Variants in B3GALT9 observed in about 807,000 individuals in gnomAD.
B3GALT9 encodes beta-1,3-galactosyltransferase 9, also known as UDP-GlcNAc:betaGal beta-1,3-N-acetylglucosaminyltransferase 10 (putative).
intron 2 of B3GALT9, among the ~76,000 whole-genome samples, chr9:120,796,903 A>G (rs1048455242): frequency 5.3e-5 from 8 of 151,988 alleles, no homozygotes; most frequent in Admixed American, 5.2e-4. Context: ...CTACAAATAC[A>G]AAAATTAGCT....
chr9:120,797,436 G>A (rs1303041915), intron 2 of B3GALT9, among the ~76,000 whole-genome samples: 1 of 151,836 alleles, frequency 6.6e-6, no homozygotes, highest in Non-Finnish European at 1.5e-5. Context: ...AACCCAGGAG[G>A]CAGAGGTTGC....
rs1326049991 is a variant in B3GALT9 at position 120,798,743 on chromosome 9, A to G, written c.175A>G (p.Asn59Asp). The G allele has an allele frequency of 2.5e-6, 1 of 399,022 alleles. No individual in the cohort carries two copies. Among genetic ancestry groups the G allele is most frequent in the Non-Finnish European group, 4.4e-6 (1 of 226,076 alleles). The allele number at this position is 399,022 out of a possible 1,614,324, so 24.7% of individuals were successfully genotyped here. The change falls in exon 3 of 3, where the codon AAC (asparagine) becomes GAC (aspartate). Residue 59 changes from asparagine (N) to aspartate (D), a missense_variant. Coordinates refer to ENST00000689072, the MANE Select transcript of B3GALT9 (RefSeq NM_001386823.1). ...LEIKNKARKL[N>D]IEPLRSNLSK... The stretch of plus-strand genomic sequence containing the variant: ...AATTAAGAATAAGGCAAGAAAATTG[A>G]ACATCGAACCCCTAAGAAGTAATCT...
chr9:120,799,259 A>T lies in B3GALT9; in HGVS notation c.691A>T (p.Ser231Cys). The change falls in exon 3 of 3, where the codon AGT (serine) becomes TGT (cysteine). Residue 231 changes from serine (S) to cysteine (C), a missense_variant. Physicochemically the swap from Ser to Cys is moderately radical, Grantham distance 112. Coordinates refer to ENST00000689072, the MANE Select transcript of B3GALT9 (RefSeq NM_001386823.1). ...DPQNRDFVPL[S>C]EYPEKYYPDY... ...TCAGAACAGAGACTTTGTCCCTCTT[A>T]GTGAGTACCCAGAAAAATACTACCC... is the stretch of plus-strand genomic sequence containing the variant. 2.5e-6 allele frequency: 1 copy of T among 399,362 alleles called. No individual in the cohort carries two copies. Among genetic ancestry groups the T allele is most frequent in the Non-Finnish European group, 4.4e-6 (1 of 226,144 alleles). 24.7% of individuals were successfully genotyped at this position (399,362 alleles called of 1,614,324 possible). A position where few individuals can be genotyped will look rare whatever the true frequency, so the allele number is the denominator to read the frequency against.
intron 1 of B3GALT9, among the ~76,000 whole-genome samples, chr9:120,794,661 C>G (rs990001353): frequency 2.0e-5 from 3 of 152,064 alleles, no homozygotes; most frequent in African/African-American, 7.2e-5. Flanking sequence ...AGGGGTGAAC[C>G]ACAATGCCCA....
intron 2 of B3GALT9, among the ~76,000 whole-genome samples, chr9:120,797,895 T>C (rs934852790): frequency 1.3e-5 from 2 of 152,232 alleles, no homozygotes; most frequent in African/African-American, 4.8e-5. Context: ...TAGAGTAAGC[T>C]TGGCCTAGGT....
intron 1 of B3GALT9, among the ~76,000 whole-genome samples, chr9:120,796,016 T>G (rs1170494430): frequency 2.6e-5 from 4 of 152,204 alleles, no homozygotes; most frequent in Admixed American, 6.5e-5. Context: ...TACTAGGGAT[T>G]CTGAATCCTT....
rs12115750 is a variant in B3GALT9, at chr9:120,799,578, C to A, written c.1010C>A (p.Ser337Tyr). ...AAAGAATGTACACTGTTTGAGACAT[C>A]CTATGAGCTCATTTCCTGCAAACTT... ...DGKECTLFET[S>Y]YELISCKLLT... The change falls in exon 3 of 3, where the codon TCC becomes TAC. Residue 337 changes from serine to tyrosine, a missense_variant. Physicochemically the swap from Ser to Tyr is moderately radical, Grantham distance 144. Coordinates refer to ENST00000689072, the MANE Select transcript of B3GALT9 (RefSeq NM_001386823.1). 52,740 of 399,536 alleles carry A rather than the reference C, an allele frequency of 0.13. 3,796 individuals are homozygous for A. The highest frequency in any genetic ancestry group is 0.15 in the Admixed American group (3,392 of 22,738). The allele number at this position is 399,536 out of a possible 1,614,324, so 24.7% of individuals were successfully genotyped here. A position where few individuals can be genotyped will look rare whatever the true frequency, so the allele number is the denominator to read the frequency against.
At chr9:120,797,531 T>C (rs1418267201) in intron 2 of B3GALT9, among the ~76,000 whole-genome samples, 1 of 151,946 alleles carries the variant, frequency 6.6e-6, no homozygotes, top group Non-Finnish European at 1.5e-5. Context: ...GAATGAGCTT[T>C]GGAATATGAC....
rs2044957134 is a variant in B3GALT9 at position 120,799,338 on chromosome 9, T to A, written c.770T>A (p.Met257Lys). ...ATGTCCCAAGATGTGGCTCGAATGATGTATGTGGTTTTCAAAGAAGTACCC... is the reference window on the plus strand; with the variant it reads ...ATGTCCCAAGATGTGGCTCGAATGAAGTATGTGGTTTTCAAAGAAGTACCC... The part of the protein sequence containing the change: ...FIMSQDVARM[M>K]YVVFKEVPMM... The change falls in exon 3 of 3, where the codon ATG becomes AAG. Residue 257 changes from methionine to lysine, a missense_variant. Coordinates refer to ENST00000689072, the MANE Select transcript of B3GALT9 (RefSeq NM_001386823.1). 2.5e-6 allele frequency: 1 copy of A among 399,100 alleles called. No homozygotes were observed. Among genetic ancestry groups the A allele is most frequent in the South Asian group, 1.3e-4 (1 of 7,858 alleles). The allele number at this position is 399,100 out of a possible 1,614,324, so 24.7% of individuals were successfully genotyped here. A position where few individuals can be genotyped will look rare whatever the true frequency, so the allele number is the denominator to read the frequency against.
rs2044962105 is a variant in B3GALT9, at chr9:120,800,151, TCTGTCGCCCAGG to T, written c.*477_*488del. The stretch of plus-strand genomic sequence containing the variant: ...TTTTTTTTCGGAGACAGAGTCTTGC[TCTGTCGCCCAGG>T]CTGGAGTGCAATGGCACCATCTCTG... On this transcript the variant is annotated 3_prime_UTR_variant, in exon 3 of 3. Transcript: ENST00000689072. 2.0e-5 allele frequency among the ~76,000 whole-genome samples: 3 copies of T among 149,618 alleles called. No individual in the cohort carries two copies. In the South Asian group the frequency reaches 6.3e-4, roughly 31 times the overall value.
rs909737468 is a variant in B3GALT9 at position 120,793,688 on chromosome 9, A to T, written c.-416A>T. 3 of 398,594 alleles carry T rather than the reference A, an allele frequency of 7.5e-6. No individual in the cohort carries two copies. Among genetic ancestry groups the T allele is most frequent in the Non-Finnish European group, 1.3e-5 (3 of 226,128 alleles). 24.7% of individuals were successfully genotyped at this position (398,594 alleles called of 1,614,324 possible). ...TCTGATCTTGCACCAGCTCTGCAGTAGTTTTTCTTATTATCCTCATTTTAC... is the reference window on the plus strand; with the variant it reads ...TCTGATCTTGCACCAGCTCTGCAGTTGTTTTTCTTATTATCCTCATTTTAC... On this transcript the variant is annotated 5_prime_UTR_variant, in exon 1 of 3. The change abolishes the stop of an existing upstream ORF in the 5' untranslated region. Transcript: ENST00000689072.
At chr9:120,794,904 A>G (rs1350222456) in intron 1 of B3GALT9, among the ~76,000 whole-genome samples, 2 of 152,222 alleles carry the variant, frequency 1.3e-5, no homozygotes, top group East Asian at 3.8e-4. Context: ...TTAATTTAAT[A>G]GCCACATGAG....
rs2044956218 is a variant in B3GALT9 at position 120,799,191 on chromosome 9, A to G, written c.623A>G (p.Tyr208Cys). The change falls in exon 3 of 3, where the codon TAT becomes TGT. Residue 208 changes from tyrosine (Y) to cysteine (C), a missense_variant. Coordinates refer to ENST00000689072, the MANE Select transcript of B3GALT9 (RefSeq NM_001386823.1). Reference protein sequence around the residue: ...LNLKEHLEDIYVGRVLHQVTP... With the variant: ...LNLKEHLEDICVGRVLHQVTP... ...CTGAAAGAACACCTAGAAGATATCT[A>G]TGTAGGAAGAGTTCTTCATCAGGTT... The G allele has an allele frequency of 2.5e-6, 1 of 398,974 alleles. No homozygotes were observed. The highest frequency in any genetic ancestry group is 4.4e-5 in the Admixed American group (1 of 22,736). The allele number at this position is 398,974 out of a possible 1,614,324, so 24.7% of individuals were successfully genotyped here. A position where few individuals can be genotyped will look rare whatever the true frequency, so the allele number is the denominator to read the frequency against.
In B3GALT9 at chr9:120,801,567, C is replaced by T. The variant is rs982760916; in HGVS notation, c.*1889C>T. On this transcript the variant is annotated 3_prime_UTR_variant, in exon 3 of 3. Coordinates refer to ENST00000689072, the MANE Select transcript of B3GALT9 (RefSeq NM_001386823.1). Reference sequence around the variant, plus strand: ...CAGCCTGGCCAACAGGGTGAAACCCCGCCTCTACTAAACATACAAAAAATT... The same window carrying T: ...CAGCCTGGCCAACAGGGTGAAACCCTGCCTCTACTAAACATACAAAAAATT... Among the ~76,000 whole-genome samples, 4 of 152,180 alleles carry T rather than the reference C, an allele frequency of 2.6e-5. No homozygotes were observed. Among genetic ancestry groups the T allele is most frequent in the East Asian group, 1.9e-4 (1 of 5,174 alleles).
rs201901079 is a variant in B3GALT9, at chr9:120,800,588, GT to G, written c.*921del. Among the ~76,000 whole-genome samples the G allele has an allele frequency of 9.6e-5, 14 of 146,496 alleles. No homozygotes were observed. The highest frequency in any genetic ancestry group is 3.2e-4 in the African/African-American group (13 of 40,108). On this transcript the variant is annotated 3_prime_UTR_variant, in exon 3 of 3. Transcript: ENST00000689072. ...CCAGTACACAATTCATTATAACTAA[GT>G]TTTTTTTTTTATAAACTGACTAGTA... is the stretch of plus-strand genomic sequence containing the variant.
chr9:120,794,039 C>A, intron 1 of B3GALT9, 117 bp downstream of exon 1: 1 of 170,478 alleles, frequency 5.9e-6, no homozygotes, highest in Non-Finnish European at 1.2e-5. Flanking sequence ...GCTTCATCTG[C>A]ATAGCAATTA....
chr9:120,801,218 A>T lies in B3GALT9; in HGVS notation c.*1540A>T, dbSNP rs1421293501. ...CATACTGATTTAATATCTTTTGGATATATTTCCAGTAGCGGAATTGCTAGA... is the reference window on the plus strand; with the variant it reads ...CATACTGATTTAATATCTTTTGGATTTATTTCCAGTAGCGGAATTGCTAGA... On this transcript the variant is annotated 3_prime_UTR_variant, in exon 3 of 3. Coordinates refer to ENST00000689072, the MANE Select transcript of B3GALT9 (RefSeq NM_001386823.1). Among the ~76,000 whole-genome samples, 1 of 152,190 alleles carries T rather than the reference A, an allele frequency of 6.6e-6. No homozygotes were observed. Among genetic ancestry groups the T allele is most frequent in the Non-Finnish European group, 1.5e-5 (1 of 68,046 alleles).
intron 2 of B3GALT9, 83 bp from the exon 3 acceptor site, chr9:120,798,492 G>T: frequency 5.0e-6 from 2 of 398,686 alleles, no homozygotes; most frequent in South Asian, 1.3e-4. Flanking sequence ...TAAATGCTGT[G>T]AGAGGTCCGT....
chr9:120,796,832 G>A (rs911746722), intron 2 of B3GALT9, among the ~76,000 whole-genome samples: 8 of 152,092 alleles, frequency 5.3e-5, no homozygotes, highest in African/African-American at 1.7e-4. Context: ...CGAGGCAAGC[G>A]GATCACCTGA....
Sources: allele counts gnomAD v4.1 joint callset (sites outside exome capture counted in the v4.1 genomes callset), GRCh38; gene constraint gnomAD v4.1.1; transcripts MANE v1.5; gene names NCBI Gene and HGNC (gene_info 2026-07-23, HGNC 2026-07-21).